The following MAML3 variants were observed in gnomAD, a reference collection of about 807,000 sequenced individuals.
MAML3 encodes mastermind-like protein 3.
Under a neutral mutation model 101.9 loss-of-function variants are expected in MAML3, and 27 were observed. The ratio of observed to expected loss-of-function variants is 0.27; its 90% confidence interval spans 0.20 to 0.37. The LOEUF (loss-of-function observed/expected upper bound fraction) is 0.37. MAML3 is among the 10% of genes least tolerant of loss of function. MAML3 has a pLI of 1.00. For synonymous variants in MAML3, 501 were observed against 555.9 expected (o/e 0.90, Z 1.39); for missense variants, 1,316 against 1,444.9 (o/e 0.91, Z 1.45).
At chr4:139,765,318 G>A (rs568470330) in intron 2 of MAML3, among the ~76,000 whole-genome samples, 3 of 152,326 alleles carry the variant, frequency 2.0e-5, no homozygotes, top group East Asian at 3.9e-4. Context: ...GTTTTAGGAT[G>A]GTAGAATTAA....
intron 1 of MAML3, among the ~76,000 whole-genome samples, chr4:140,107,251 T>C (rs1409930286): frequency 6.6e-6 from 1 of 152,212 alleles, no homozygotes; most frequent in Non-Finnish European, 1.5e-5. Context: ...ACCAATCTCC[T>C]TAATGTATAT....
chr4:139,944,309 C>A (rs1253417216), intron 1 of MAML3, among the ~76,000 whole-genome samples: 1 of 152,138 alleles, frequency 6.6e-6, no homozygotes, highest in Non-Finnish European at 1.5e-5. Context: ...AGGTATATCT[C>A]CCAATGCTAT....
intron 2 of MAML3, among the ~76,000 whole-genome samples, chr4:139,851,739 T>C (rs768875039): frequency 1.3e-5 from 2 of 152,258 alleles, no homozygotes; most frequent in Non-Finnish European, 2.9e-5. Context: ...AACATGGCTA[T>C]GCTTGCAGAC....
At chr4:140,094,069 C>T (rs571846273) in intron 1 of MAML3, among the ~76,000 whole-genome samples, 19 of 152,338 alleles carry the variant, frequency 1.2e-4, no homozygotes, top group Admixed American at 7.8e-4. Context: ...AAACTCTTAA[C>T]TTCTCTGCCA....
At chr4:140,037,519 A>G (rs1662563928) in intron 1 of MAML3, among the ~76,000 whole-genome samples, 3 of 152,212 alleles carry the variant, frequency 2.0e-5, no homozygotes. Context: ...GAATCTGAGT[A>G]ATGCCCTATG....
intron 1 of MAML3, among the ~76,000 whole-genome samples, chr4:139,905,568 G>C (rs529523023): frequency 2.7e-5 from 4 of 150,844 alleles, no homozygotes; most frequent in African/African-American, 9.7e-5. Flanking sequence ...ATCTGTATTA[G>C]TTTTCTAGGG....
intron 1 of MAML3, among the ~76,000 whole-genome samples, chr4:140,094,488 G>T (rs1728118136): frequency 1.3e-5 from 2 of 152,112 alleles, no homozygotes; most frequent in South Asian, 4.1e-4. Context: ...AGGGAAACTC[G>T]GATTTGTCCT....
At chr4:139,794,748 G>A (rs544312894) in intron 2 of MAML3, among the ~76,000 whole-genome samples, 1 of 152,176 alleles carries the variant, frequency 6.6e-6, no homozygotes, top group Non-Finnish European at 1.5e-5. Flanking sequence ...TGTGTTCCAC[G>A]CTGGAAGAGC....
intron 1 of MAML3, among the ~76,000 whole-genome samples, chr4:139,930,970 C>T (rs565175418): frequency 1.4e-3 from 209 of 151,538 alleles, no homozygotes; most frequent in Non-Finnish European, 2.4e-3. Context: ...GTACATTTTT[C>T]GTTCTCTAAA....
chr4:139,869,477 G>A (rs1315372649), intron 2 of MAML3, among the ~76,000 whole-genome samples: 3 of 152,302 alleles, frequency 2.0e-5, no homozygotes, highest in East Asian at 3.9e-4. Flanking sequence ...AGATAAAGGT[G>A]AAAAGACCCA....
intron 1 of MAML3, among the ~76,000 whole-genome samples, chr4:140,089,740 G>A (rs187415845): frequency 2.5e-3 from 378 of 152,318 alleles, no homozygotes; most frequent in African/African-American, 8.7e-3. Flanking sequence ...CTGGGGATTG[G>A]AGGTACAGGG....
At chr4:139,916,941 GA>G (rs34196655) in intron 1 of MAML3, among the ~76,000 whole-genome samples, 1,966 of 152,286 alleles carry the variant, frequency 0.013, 27 homozygotes, top group Non-Finnish European at 0.022. Context: ...AGATAATGCA[GA>G]TATACATTTC....
chr4:139,895,591 C>T (rs1438598813), intron 1 of MAML3, among the ~76,000 whole-genome samples: 1 of 152,156 alleles, frequency 6.6e-6, no homozygotes, highest in Non-Finnish European at 1.5e-5. Context: ...TTCAGTGATA[C>T]AAATAGTTAC....
At chr4:140,112,793 AAAT>A (rs1350027075) in intron 1 of MAML3, among the ~76,000 whole-genome samples, 2 of 152,232 alleles carry the variant, frequency 1.3e-5, no homozygotes, top group Non-Finnish European at 2.9e-5. Context: ...CTTGTCGGGA[AAAT>A]TGCATCTGGT....
chr4:140,106,856 TA>T (rs1466127033), intron 1 of MAML3, among the ~76,000 whole-genome samples: 3 of 152,192 alleles, frequency 2.0e-5, no homozygotes, highest in Non-Finnish European at 4.4e-5. Flanking sequence ...AAGTTAGGTT[TA>T]AGAAGAGTGG....
intron 1 of MAML3, among the ~76,000 whole-genome samples, chr4:140,031,031 G>A (rs944208615): frequency 2.8e-4 from 42 of 152,208 alleles, no homozygotes; most frequent in African/African-American, 8.9e-4. Flanking sequence ...GAAAACAGCC[G>A]CAGACTGTAC....
At chr4:139,938,916 T>C (rs1165195032) in intron 1 of MAML3, among the ~76,000 whole-genome samples, 1 of 152,236 alleles carries the variant, frequency 6.6e-6, no homozygotes, top group East Asian at 1.9e-4. Flanking sequence ...CTTTCCCAGA[T>C]GCAATTCTGC....
chr4:140,035,552 C>A (rs1300385992), intron 1 of MAML3, among the ~76,000 whole-genome samples: 3 of 152,156 alleles, frequency 2.0e-5, no homozygotes, highest in African/African-American at 7.2e-5. Context: ...AATCCCAGCA[C>A]TTTGGGAGGC....
intron 2 of MAML3, among the ~76,000 whole-genome samples, chr4:139,784,749 G>A (rs747603531): frequency 6.6e-6 from 1 of 152,144 alleles, no homozygotes; most frequent in Non-Finnish European, 1.5e-5. Context: ...CCTTTGCTAT[G>A]CGCTACGCCT....
Sources: allele counts gnomAD v4.1 joint callset (sites outside exome capture counted in the v4.1 genomes callset), GRCh38; gene constraint gnomAD v4.1.1; transcripts MANE v1.5; gene names NCBI Gene and HGNC (gene_info 2026-07-23, HGNC 2026-07-21).